LDLRAD4: variants seen among roughly 807,000 people sequenced by gnomAD.
The protein encoded by LDLRAD4 is low-density lipoprotein receptor class A domain-containing protein 4.
LDLRAD4 carries 5 observed loss-of-function variants against 17.0 expected under a neutral mutation model. The ratio of observed to expected loss-of-function variants is 0.29; its 90% CI spans 0.15 to 0.62. The LOEUF is 0.62. Among genes scored for constraint, LDLRAD4 ranks in the 20% least tolerant of loss-of-function variants. LDLRAD4 has a pLI of 0.84. For missense variants in LDLRAD4, 340 were observed against 424.7 expected (o/e 0.80, Z 1.75); for synonymous variants, 168 against 171.8 (o/e 0.98, Z 0.17).
intron 1 of LDLRAD4, among the ~76,000 whole-genome samples, chr18:13,360,399 G>A (rs1425774610): frequency 4.6e-5 from 7 of 152,322 alleles, no homozygotes; most frequent in East Asian, 1.9e-4. Flanking sequence ...GTATTACAGC[G>A]CAGCCAGCGA....
intron 2 of LDLRAD4, among the ~76,000 whole-genome samples, chr18:13,422,888 G>A (rs2089616423): frequency 6.6e-6 from 1 of 152,186 alleles, no homozygotes; most frequent in African/African-American, 2.4e-5. Context: ...CTCAACCTTG[G>A]TGACATGCTC....
chr18:13,347,387 T>A (rs1359567106), intron 1 of LDLRAD4, among the ~76,000 whole-genome samples: 2 of 152,252 alleles, frequency 1.3e-5, no homozygotes, highest in Non-Finnish European at 2.9e-5. Flanking sequence ...TTTAAGAATG[T>A]TGAATATTGG....
intron 1 of LDLRAD4, among the ~76,000 whole-genome samples, chr18:13,314,544 G>T (rs2080827386): frequency 6.6e-6 from 1 of 152,204 alleles, no homozygotes; most frequent in South Asian, 2.1e-4. Flanking sequence ...ACACTGGAGG[G>T]ACCAGGTCCT....
intron 1 of LDLRAD4, among the ~76,000 whole-genome samples, chr18:13,322,380 A>G (rs1387062288): frequency 6.8e-6 from 1 of 146,886 alleles, no homozygotes; most frequent in Non-Finnish European, 1.5e-5. Context: ...GCTCACTGCA[A>G]CCTCCACCTC....
At chr18:13,648,483 A>G (rs2043102138) in exon 6 of LDLRAD4, 1 of 152,216 alleles carries the variant, frequency 6.6e-6, no homozygotes, top group Non-Finnish European at 1.5e-5. Flanking sequence ...CTTCAGCAGA[A>G]GGAAAAGGTG....
At chr18:13,224,700 T>TC (rs2041670944) in intron 1 of LDLRAD4, among the ~76,000 whole-genome samples, 1 of 151,976 alleles carries the variant, frequency 6.6e-6, no homozygotes, top group Non-Finnish European at 1.5e-5. Flanking sequence ...CAGGATGGTC[T>TC]TGATCTCCTG....
At chr18:13,500,255 TG>T (rs35621446) in intron 3 of LDLRAD4, among the ~76,000 whole-genome samples, 26,988 of 152,232 alleles carry the variant, frequency 0.18, 2,861 homozygotes, top group Middle Eastern at 0.36. Context: ...GAATAGCAGC[TG>T]TCTTGTGACT....
At chr18:13,437,012 C>T (rs2090706013) in intron 2 of LDLRAD4, among the ~76,000 whole-genome samples, 1 of 152,250 alleles carries the variant, frequency 6.6e-6, no homozygotes, top group African/African-American at 2.4e-5. Flanking sequence ...AGGTTATTGT[C>T]TTGCGGGCCA....
rs145978803 is a variant in LDLRAD4 at position 13,557,155 on chromosome 18, A to C, written c.182-63962A>C. 2.6e-5 allele frequency among the ~76,000 whole-genome samples: 4 copies of C among 152,148 alleles called. No homozygotes were observed. The East Asian group carries it at 7.7e-4, about 29-fold the overall frequency. ...CAAAATTAAAAAAAAAAAATTAGTC[A>C]GGCATCATGGCACATGCCCATAGTC... On this transcript the variant is annotated intron_variant, in intron 3 of 5. Transcript: ENST00000359446.
chr18:13,622,640 C>A lies in LDLRAD4; in HGVS notation c.336+1369C>A, dbSNP rs573487413. On this transcript the variant is annotated intron_variant, in intron 4 of 5. Coordinates refer to ENST00000359446, the Ensembl canonical transcript of LDLRAD4. This position sits in a 1 kb window ranked among gnomAD's most constrained non-coding sequence, Gnocchi z 5.3. ...CATCCAGACGCACTGAACACTTTGG[C>A]ATCCTGATGCCTGTAGATTGTTGGA... 6.6e-6 allele frequency among the ~76,000 whole-genome samples: 1 copy of A among 152,304 alleles called. No individual in the cohort carries two copies. Among genetic ancestry groups the A allele is most frequent in the East Asian group, 1.9e-4 (1 of 5,182 alleles).
At chr18:13,515,593 A>G (rs1398975001) in intron 3 of LDLRAD4, 1 of 152,242 alleles carries the variant, frequency 6.6e-6, no homozygotes, top group Non-Finnish European at 1.5e-5. Flanking sequence ...TCTTGAAGGA[A>G]TCTCAGTAGA....
intron 4 of LDLRAD4, among the ~76,000 whole-genome samples, chr18:13,632,631 C>G (rs2041769864): frequency 6.6e-6 from 1 of 152,240 alleles, no homozygotes; most frequent in Non-Finnish European, 1.5e-5. Flanking sequence ...AGGGTCACAG[C>G]TCTTCTTTCC....
At chr18:13,317,674 C>G (rs753052763) in intron 1 of LDLRAD4, among the ~76,000 whole-genome samples, 1 of 152,148 alleles carries the variant, frequency 6.6e-6, no homozygotes, top group Non-Finnish European at 1.5e-5. Flanking sequence ...AAGCACGTCA[C>G]AAGACAGTAT....
intron 3 of LDLRAD4, among the ~76,000 whole-genome samples, chr18:13,499,894 T>A (rs2093583972): frequency 6.6e-6 from 1 of 152,240 alleles, no homozygotes; most frequent in Admixed American, 6.5e-5. Context: ...CCTTCCAGTA[T>A]GCTGCTTGGG....
intron 3 of LDLRAD4, among the ~76,000 whole-genome samples, chr18:13,565,996 C>A (rs2148278414): frequency 6.6e-6 from 1 of 152,346 alleles, no homozygotes; most frequent in Admixed American, 6.5e-5. Flanking sequence ...TTCGTTCAGT[C>A]CAACAAGCCT....
chr18:13,502,845 C>A (rs1188705942), intron 3 of LDLRAD4, among the ~76,000 whole-genome samples: 1 of 152,270 alleles, frequency 6.6e-6, no homozygotes, highest in African/African-American at 2.4e-5. Context: ...CCCGTCTGGT[C>A]ACTCCTGAAG....
At chr18:13,593,253 C>T (rs180734931) in intron 3 of LDLRAD4, among the ~76,000 whole-genome samples, 1 of 152,322 alleles carries the variant, frequency 6.6e-6, no homozygotes, top group Non-Finnish European at 1.5e-5. Flanking sequence ...GCAGAGGCTG[C>T]AGTGAGCCAA....
At chr18:13,242,690 G>A (rs1398180901) in intron 1 of LDLRAD4, among the ~76,000 whole-genome samples, 1 of 152,160 alleles carries the variant, frequency 6.6e-6, no homozygotes, top group Admixed American at 6.5e-5. Flanking sequence ...GTGCAGTTTT[G>A]TTATATGGAT....
intron 1 of LDLRAD4, among the ~76,000 whole-genome samples, chr18:13,281,922 AG>A (rs903420923): frequency 1.3e-5 from 2 of 152,312 alleles, no homozygotes; most frequent in African/African-American, 4.8e-5. Context: ...GAGACTGGGA[AG>A]AAAAGGAGGT....
Sources: allele counts gnomAD v4.1 joint callset (sites outside exome capture counted in the v4.1 genomes callset), GRCh38; gene constraint gnomAD v4.1.1; non-coding constraint Gnocchi (gnomAD v3.1); transcripts MANE v1.5; gene names NCBI Gene and HGNC (gene_info 2026-07-23, HGNC 2026-07-21).